MYO9A: variants seen among roughly 807,000 people sequenced by gnomAD.
The protein encoded by MYO9A is unconventional myosin-IXa.
In MYO9A, 103 loss-of-function variants were observed where a neutral mutation model predicts 293.3. That is an observed-to-expected ratio of 0.35 (90% CI 0.30 to 0.41). MYO9A has a LOEUF of 0.41. MYO9A is among the 10% of genes least tolerant of loss of function. The pLI is 1.00. For synonymous variants in MYO9A, 1,001 were observed against 1,035.7 expected (o/e 0.97, Z 0.64); for missense variants, 2,685 against 3,033.0 (o/e 0.89, Z 2.69).
chr15:72,111,110 G>T (rs1343128833), intron 1 of MYO9A, among the ~76,000 whole-genome samples: 2 of 149,936 alleles, frequency 1.3e-5, no homozygotes, highest in African/African-American at 4.9e-5. Flanking sequence ...AGTGAGCCGA[G>T]ATTGCACCCC....
chr15:71,917,363 C>T (rs980831330), intron 18 of MYO9A, among the ~76,000 whole-genome samples: 4 of 151,968 alleles, frequency 2.6e-5, no homozygotes, highest in Non-Finnish European at 5.9e-5. Context: ...AGTGAAACCC[C>T]GTCTCCACTA....
At chr15:72,098,903 G>A (rs529350069) in intron 1 of MYO9A, among the ~76,000 whole-genome samples, 3 of 149,330 alleles carry the variant, frequency 2.0e-5, no homozygotes, top group Admixed American at 1.3e-4. Flanking sequence ...TAAGTAGAGA[G>A]AAAACAAAAT....
intron 26 of MYO9A, 188 bp downstream of exon 26, chr15:71,893,491 T>G: frequency 1.6e-6 from 1 of 610,180 alleles, no homozygotes; most frequent in East Asian, 2.9e-5. Context: ...CAACTGGGTT[T>G]TTAGGCACCA....
Position 71,974,392 on chromosome 15 carries a change from T to G in MYO9A, c.1844+3779A>C, listed in dbSNP as rs542445026. ...CTAAAGGAGCATCCCCTTAGATTTT[T>G]CTTGTTTTTCTGGTTCATCTGGGAA... On this transcript the variant is annotated intron_variant, in intron 12 of 41. Coordinates refer to ENST00000356056, the MANE Select transcript of MYO9A (RefSeq NM_006901.4). 7.9e-5 allele frequency among the ~76,000 whole-genome samples: 12 copies of G among 152,332 alleles called. No individual in the cohort carries two copies. In the East Asian group the frequency reaches 2.3e-3, roughly 29 times the overall value.
intron 19 of MYO9A, among the ~76,000 whole-genome samples, chr15:71,906,164 T>G (rs1345600372): frequency 6.6e-6 from 1 of 152,216 alleles, no homozygotes; most frequent in Non-Finnish European, 1.5e-5. Flanking sequence ...ATTTCTGGTT[T>G]AATTCTATTA....
chr15:72,082,321 C>T (rs2079572192), intron 1 of MYO9A, among the ~76,000 whole-genome samples: 1 of 151,978 alleles, frequency 6.6e-6, no homozygotes, highest in Non-Finnish European at 1.5e-5. Context: ...TAATTTGGTT[C>T]TTGGCTTCTT....
At chr15:72,023,297 A>G (rs1313897002) in intron 4 of MYO9A, among the ~76,000 whole-genome samples, 2 of 152,170 alleles carry the variant, frequency 1.3e-5, no homozygotes, top group Admixed American at 6.5e-5. Context: ...TGGAGACCAC[A>G]AGGTCTCAGA....
chr15:72,015,726 C>T (rs568456738), intron 6 of MYO9A, among the ~76,000 whole-genome samples: 177 of 138,120 alleles, frequency 1.3e-3, no homozygotes, highest in African/African-American at 4.2e-3. Context: ...CTCGCTCTGT[C>T]GCCCAGGATG....
intron 12 of MYO9A, among the ~76,000 whole-genome samples, chr15:71,976,232 T>C (rs1407369383): frequency 6.6e-6 from 1 of 152,156 alleles, no homozygotes; most frequent in African/African-American, 2.4e-5. Context: ...CCCCACACAT[T>C]TGGTCACAGA....
chr15:71,934,107 A>G (rs1425652770), intron 17 of MYO9A, among the ~76,000 whole-genome samples: 4 of 152,126 alleles, frequency 2.6e-5, no homozygotes, highest in African/African-American at 4.8e-5. Flanking sequence ...CTTATCACCA[A>G]AACGTAATCT....
chr15:71,928,054 ATATTTTTTTTTTTTTTTTT>A lies in MYO9A; in HGVS notation c.2562+5597_2562+5615del, dbSNP rs1192888404. Reference sequence around the variant, plus strand: ...TATATATATATATATATATATATATATATTTTTTTTTTTTTTTTTTTTTTTTTTTTTTTTGAGGCGGAGT... The same window carrying A: ...TATATATATATATATATATATATATATTTTTTTTTTTTTTTGAGGCGGAGT... On this transcript the variant is annotated intron_variant, in intron 18 of 41. Transcript: ENST00000356056. Among the ~76,000 whole-genome samples the A allele has an allele frequency of 5.3e-4, 5 of 9,376 alleles. No individual in the cohort carries two copies. In the South Asian group the frequency reaches 0.022, roughly 41 times the overall value. The allele number at this position is 9,376 out of a possible 152,430, so 6.2% of individuals were successfully genotyped here.
intron 1 of MYO9A, among the ~76,000 whole-genome samples, chr15:72,098,627 G>T (rs1445276714): frequency 1.3e-5 from 2 of 152,142 alleles, no homozygotes; most frequent in East Asian, 3.9e-4. Context: ...TATCTATTCA[G>T]AAGATAAAAA....
chr15:72,093,262 T>C (rs1204823992), intron 1 of MYO9A, among the ~76,000 whole-genome samples: 2 of 152,162 alleles, frequency 1.3e-5, no homozygotes, highest in African/African-American at 4.8e-5. Context: ...GTGTGGTGGC[T>C]CATGCCTGTA....
intron 38 of MYO9A, among the ~76,000 whole-genome samples, chr15:71,849,585 A>C (rs1334954015): frequency 6.6e-6 from 1 of 152,118 alleles, no homozygotes; most frequent in African/African-American, 2.4e-5. Flanking sequence ...ATATTTTTTA[A>C]AGTTCCTTTT....
intron 39 of MYO9A, among the ~76,000 whole-genome samples, chr15:71,841,398 C>G (rs2055155679): frequency 6.6e-6 from 1 of 151,988 alleles, no homozygotes; most frequent in South Asian, 2.1e-4. Flanking sequence ...TAAGATATCC[C>G]TGTTTTAATA....
intron 18 of MYO9A, among the ~76,000 whole-genome samples, chr15:71,926,653 G>C (rs1389322865): frequency 6.6e-6 from 1 of 152,210 alleles, no homozygotes; most frequent in South Asian, 2.1e-4. Context: ...GCTGCAGTGA[G>C]CCACGATCGT....
Position 71,826,590 on chromosome 15 carries a change from AATTC to A in MYO9A, c.7633_7636del (p.Glu2545LeufsTer17). 1 of 1,591,608 alleles carries A rather than the reference AATTC, an allele frequency of 6.3e-7. No homozygotes were observed. Among genetic ancestry groups the A allele is most frequent in the Non-Finnish European group, 8.5e-7 (1 of 1,172,344 alleles). On this transcript the variant is annotated frameshift_variant, in exon 42 of 42. Transcript: ENST00000356056. LOFTEE classifies it high-confidence loss of function. ...CACACATCTGCCGGTTCAGACCATAAATTCATTATTTCCAAAGAGTGCTAGCTGT... is the reference window on the plus strand; with the variant it reads ...CACACATCTGCCGGTTCAGACCATAAATTATTTCCAAAGAGTGCTAGCTGT...
intron 3 of MYO9A, among the ~76,000 whole-genome samples, chr15:72,029,096 G>A (rs530270550): frequency 2.0e-5 from 3 of 152,308 alleles, no homozygotes; most frequent in African/African-American, 7.2e-5. Context: ...GGATAAGTGA[G>A]TACACAGCAC....
intron 1 of MYO9A, among the ~76,000 whole-genome samples, chr15:72,113,564 GC>G (rs1195941849): frequency 3.3e-5 from 5 of 152,164 alleles, no homozygotes; most frequent in Non-Finnish European, 7.3e-5. Context: ...CAATGAGACA[GC>G]TTTTTTGAAG....
Sources: allele counts gnomAD v4.1 joint callset (sites outside exome capture counted in the v4.1 genomes callset), GRCh38; gene constraint gnomAD v4.1.1; transcripts MANE v1.5; gene names NCBI Gene and HGNC (gene_info 2026-07-23, HGNC 2026-07-21).